PPP1R15B: variants seen among roughly 807,000 people sequenced by gnomAD.
The protein encoded by PPP1R15B is protein phosphatase 1, regulatory (inhibitor) subunit 15B.
A neutral mutation model predicts 53.9 loss-of-function variants in PPP1R15B; 31 were observed. That is an observed-to-expected ratio of 0.58 (90% CI 0.43 to 0.78). The LOEUF is 0.78. PPP1R15B is among the 30% of genes least tolerant of loss of function. PPP1R15B has a pLI of 0.00. For synonymous variants in PPP1R15B, 345 were observed against 329.1 expected, an observed-to-expected ratio of 1.05 and a Z score of -0.52; for missense variants, 928 against 849.6, an observed-to-expected ratio of 1.09 and a Z score of -1.15.
chr1:204,406,205 G>C lies in PPP1R15B; in HGVS notation c.2029C>G (p.Gln677Glu), dbSNP rs1380014229. 46 of 1,613,992 alleles carry C rather than the reference G, an allele frequency of 2.9e-5. No individual in the cohort carries two copies. Among genetic ancestry groups the C allele is most frequent in the Non-Finnish European group, 3.6e-5 (43 of 1,180,024 alleles). ...TATCCAATAGCATCTTCTGTTTCTT[G>C]AATTCGTTTCTGGAACCTGCATCCA... ...RDGCRFQKRIQETEDAIGYCL... is the reference protein window; with the variant it reads ...RDGCRFQKRIEETEDAIGYCL... The change falls in exon 2 of 2, where the codon CAA (glutamine) becomes GAA (glutamate). Residue 677 changes from glutamine to glutamate, a missense_variant. Transcript: ENST00000367188.
chr1:204,408,159 G>A (rs914010442), intron 1 of PPP1R15B, among the ~76,000 whole-genome samples: 3 of 152,144 alleles, frequency 2.0e-5, no homozygotes, highest in African/African-American at 7.2e-5. Context: ...AGTGAATTGA[G>A]GCCATGAGAG....
In PPP1R15B at chr1:204,411,638, T is replaced by G; in HGVS notation, c.-227A>C. On this transcript the variant is annotated 5_prime_UTR_variant, in exon 1 of 2. Coordinates refer to ENST00000367188, the MANE Select transcript of PPP1R15B (RefSeq NM_032833.5). ...GCAATAGGCGGCGACTGATGCGACT[T>G]CCATCCTGGCGGGGAAGGAGGTTCC... 1 of 604,070 alleles carries G rather than the reference T, an allele frequency of 1.7e-6. No individual in the cohort carries two copies. The highest frequency in any genetic ancestry group is 2.9e-6 in the Non-Finnish European group (1 of 344,706). 37.4% of individuals were successfully genotyped at this position (604,070 alleles called of 1,614,324 possible).
rs1283173900 is a variant in PPP1R15B, at chr1:204,409,596, A to T, written c.1816T>A (p.Ser606Thr). Residue 606 changes from serine (S) to threonine (T), a missense_variant, in exon 1 of 2, where the codon TCT (serine) becomes ACT (threonine). Ser to Thr is a moderately conservative substitution (Grantham distance 58). Coordinates refer to ENST00000367188, the MANE Select transcript of PPP1R15B (RefSeq NM_032833.5). ...VAISECHTLL[S>T]CKVQLLGSQE... ...CTCCCCAACAGCTGCACCTTACAAG[A>T]AAGTAAGGTGTGACACTCAGAAATG... is the stretch of plus-strand genomic sequence containing the variant. 1 of 1,614,138 alleles carries T rather than the reference A, an allele frequency of 6.2e-7. No homozygotes were observed. The highest frequency in any genetic ancestry group is 1.3e-5 in the African/African-American group (1 of 75,018).
rs1196806450 is a variant in PPP1R15B at position 204,404,679 on chromosome 1, G to A, written c.*1413C>T. 1 of 985,620 alleles carries A rather than the reference G, an allele frequency of 1.0e-6. No homozygotes were observed. The highest frequency in any genetic ancestry group is 1.2e-6 in the Non-Finnish European group (1 of 829,884). 61.1% of individuals were successfully genotyped at this position (985,620 alleles called of 1,614,324 possible). ...AGGTAGTAACCCTGTAAGCACTTCT[G>A]ATGAAAAATTCATCCCCACACTTAA... is the stretch of plus-strand genomic sequence containing the variant. On this transcript the variant is annotated 3_prime_UTR_variant, in exon 2 of 2. Transcript: ENST00000367188.
chr1:204,400,613 A>G (rs2103439667), downstream of PPP1R15B: 1 of 340,864 alleles, frequency 2.9e-6, no homozygotes, highest in East Asian at 1.6e-4. Flanking sequence ...GGCATGAGCC[A>G]CCACCCCTGG....
At position 204,404,268 on chromosome 1, in the gene PPP1R15B, G is replaced by A. The variant is rs1674226167; in HGVS notation, c.*1824C>T. On this transcript the variant is annotated 3_prime_UTR_variant, in exon 2 of 2. Coordinates refer to ENST00000367188, the MANE Select transcript of PPP1R15B (RefSeq NM_032833.5). The stretch of plus-strand genomic sequence containing the variant: ...AGAGGCCGAGGCGGGCGGATCACGA[G>A]GTCAGCAGTTCAAGACCAGTCTGGC... The A allele has an allele frequency of 1.3e-5, 12 of 953,742 alleles. No homozygotes were observed. Among genetic ancestry groups the A allele is most frequent in the Non-Finnish European group, 1.5e-5 (12 of 801,186 alleles). 59.1% of individuals were successfully genotyped at this position (953,742 alleles called of 1,614,324 possible). A position where few individuals can be genotyped will look rare whatever the true frequency, so the allele number is the denominator to read the frequency against.
rs375857578 is a variant in PPP1R15B at position 204,409,639 on chromosome 1, T to C, written c.1773A>G (p.Pro591=). ...NEKGCRDSKT[P]SESIVAISEC... ...CAGAAATGGCCACAATGGACTCAGA[T>C]GGGGTCTTTGAGTCACGACAGCCTT... The change falls in exon 1 of 2, where the codon CCA becomes CCG. Residue 591 remains proline (P), a synonymous_variant. Coordinates refer to ENST00000367188, the MANE Select transcript of PPP1R15B (RefSeq NM_032833.5). 11 of 1,613,982 alleles carry C rather than the reference T, an allele frequency of 6.8e-6. No homozygotes were observed. Among genetic ancestry groups the C allele is most frequent in the Non-Finnish European group, 9.3e-6 (11 of 1,180,020 alleles).
Position 204,411,715 on chromosome 1 carries a change from G to C in PPP1R15B, c.-304C>G, listed in dbSNP as rs149106188. 5 of 467,338 alleles carry C rather than the reference G, an allele frequency of 1.1e-5. No homozygotes were observed. The East Asian group carries it at 1.6e-4, about 15-fold the overall frequency. 28.9% of individuals were successfully genotyped at this position (467,338 alleles called of 1,614,324 possible). ...TGGATAGGAGTCCCCCCACGGCCTC[G>C]GCGATGGTTTTCCGACTGACAGAGG... On this transcript the variant is annotated 5_prime_UTR_variant, in exon 1 of 2. Transcript: ENST00000367188.
chr1:204,400,472 GC>G (rs1265391310), downstream of PPP1R15B, among the ~76,000 whole-genome samples: 4 of 145,458 alleles, frequency 2.7e-5, no homozygotes, highest in Non-Finnish European at 6.1e-5. Context: ...ACCTTGCCCA[GC>G]TAATTTCTTT....
chr1:204,411,269 G>T lies in PPP1R15B; in HGVS notation c.143C>A (p.Pro48His), dbSNP rs921801724. The T allele has an allele frequency of 6.2e-7, 1 of 1,614,122 alleles. No individual in the cohort carries two copies. The highest frequency in any genetic ancestry group is 8.5e-7 in the Non-Finnish European group (1 of 1,180,058). Residue 48 changes from proline (P) to histidine (H), a missense_variant, in exon 1 of 2, where the codon CCC becomes CAC. Pro to His is a moderately conservative substitution (Grantham distance 77, BLOSUM62 -2). Transcript: ENST00000367188. ...TPLGPENSGN[P>H]TLLSSAQPET... ...GGGCTGGGCAGAGGAAAGCAGTGTG[G>T]GGTTCCCGGAGTTTTCCGGGCCAAG...
Position 204,405,771 on chromosome 1 carries a change from A to G in PPP1R15B, c.*321T>C, listed in dbSNP as rs1572253650. On this transcript the variant is annotated 3_prime_UTR_variant, in exon 2 of 2. Coordinates refer to ENST00000367188, the MANE Select transcript of PPP1R15B (RefSeq NM_032833.5). ...CCTATAAATATTGTTTTCCAAGAAA[A>G]TAAGTTTTGAAAGTGCAAAATGACA... 2 of 1,044,512 alleles carry G rather than the reference A, an allele frequency of 1.9e-6. No homozygotes were observed. The highest frequency in any genetic ancestry group is 5.0e-5 in the Admixed American group (1 of 20,090). The allele number at this position is 1,044,512 out of a possible 1,614,324, so 64.7% of individuals were successfully genotyped here.
chr1:204,409,504 G>T lies in PPP1R15B; in HGVS notation c.1908C>A (p.Val636=). Residue 636 remains valine (V), a synonymous_variant, in exon 1 of 2, where the codon GTC becomes GTA. Transcript: ENST00000367188. ...ACAAGAAACAAACCTTTTTTCTTTTGACATGTGTGTGTCTTCCTCCAGAAA... is the reference window on the plus strand; with the variant it reads ...ACAAGAAACAAACCTTTTTTCTTTTTACATGTGTGTGTCTTCCTCCAGAAA... ...DVLSGGRHTH[V]KRKKVTFLEE... The T allele has an allele frequency of 6.3e-7, 1 of 1,598,400 alleles. No homozygotes were observed. The highest frequency in any genetic ancestry group is 8.5e-7 in the Non-Finnish European group (1 of 1,174,560).
At chr1:204,401,952 A>T (rs1342680604), downstream of PPP1R15B, among the ~76,000 whole-genome samples, 2 of 152,224 alleles carry the variant, frequency 1.3e-5, no homozygotes, top group Non-Finnish European at 2.9e-5. Flanking sequence ...TTCTGAGGTC[A>T]GCAATTAAAT....
chr1:204,409,390 C>G, intron 1 of PPP1R15B, 102 bp downstream of exon 1: 1 of 1,352,392 alleles, frequency 7.4e-7, no homozygotes, highest in South Asian at 1.4e-5. Flanking sequence ...AGGCCTTCCT[C>G]AAAAATACAT....
In PPP1R15B at chr1:204,409,507, ATG is replaced by A; in HGVS notation, c.1903_1904del (p.His635CysfsTer10). ...AGAAACAAACCTTTTTTCTTTTGAC[ATG>A]TGTGTGTCTTCCTCCAGAAAGAACG... Reference protein sequence around the residue: ...RDVLSGGRHTHVKRKKVTFLE... With the variant: ...RDVLSGGRHTXVKRKKVTFLE... On this transcript the variant is annotated frameshift_variant, in exon 1 of 2. Coordinates refer to ENST00000367188, the MANE Select transcript of PPP1R15B (RefSeq NM_032833.5). LOFTEE classifies it high-confidence loss of function. 2 of 1,606,170 alleles carry A rather than the reference ATG, an allele frequency of 1.2e-6. No homozygotes were observed. The highest frequency in any genetic ancestry group is 2.2e-5 in the East Asian group (1 of 44,800).
At chr1:204,396,322 A>T (rs1674099601), downstream of PPP1R15B, among the ~76,000 whole-genome samples, 1 of 151,356 alleles carries the variant, frequency 6.6e-6, no homozygotes, top group Non-Finnish European at 1.5e-5. Flanking sequence ...AGCCTGGGCA[A>T]CATGCCAAAA....
chr1:204,411,412 C>T lies in PPP1R15B; in HGVS notation c.-1G>A, dbSNP rs1364504924. 1.9e-6 allele frequency: 3 copies of T among 1,610,414 alleles called. No homozygotes were observed. The highest frequency in any genetic ancestry group is 2.2e-5 in the South Asian group (2 of 90,942). On this transcript the variant is annotated 5_prime_UTR_variant, in exon 1 of 2. Transcript: ENST00000367188. The stretch of plus-strand genomic sequence containing the variant: ...GCGATCCGCCTGTCCCCGGCTCCAT[C>T]TCCTTTTTCTTGACAGTCTCTCAGG...
At chr1:204,397,475 G>A (rs370961906), downstream of PPP1R15B, among the ~76,000 whole-genome samples, 85 of 150,968 alleles carry the variant, frequency 5.6e-4, no homozygotes, top group African/African-American at 1.9e-3. Context: ...ACAGTGAGGC[G>A]AAATTGCACC....
At chr1:204,407,367 G>A (rs892746829) in intron 1 of PPP1R15B, among the ~76,000 whole-genome samples, 1 of 151,952 alleles carries the variant, frequency 6.6e-6, no homozygotes, top group Non-Finnish European at 1.5e-5. Flanking sequence ...ATGAAATTGT[G>A]ATTCTAATAT....
Sources: allele counts gnomAD v4.1 joint callset (sites outside exome capture counted in the v4.1 genomes callset), GRCh38; gene constraint gnomAD v4.1.1; transcripts MANE v1.5; gene names NCBI Gene and HGNC (gene_info 2026-07-23, HGNC 2026-07-21).